CNTNAP5: variants seen among roughly 807,000 people sequenced by gnomAD.
The protein encoded by CNTNAP5 is contactin associated protein family member 5.
Under a neutral mutation model 150.2 loss-of-function variants are expected in CNTNAP5, and 72 were observed. The ratio of observed to expected loss-of-function variants is 0.48; its 90% confidence interval spans 0.40 to 0.58. CNTNAP5 has a LOEUF of 0.58. Among genes scored for constraint, CNTNAP5 ranks in the 20% least tolerant of loss-of-function variants. The probability of loss-of-function intolerance (pLI) is 0.00; values close to 1 mark genes in which losing one functional copy is unlikely to be tolerated. For synonymous variants in CNTNAP5, 672 were observed against 619.8 expected (o/e 1.08, Z -1.25); for missense variants, 1,636 against 1,626.2 (o/e 1.01, Z -0.10).
At chr2:124,894,712 C>T (rs1402324598) in intron 21 of CNTNAP5, among the ~76,000 whole-genome samples, 2 of 151,098 alleles carry the variant, frequency 1.3e-5, no homozygotes, top group East Asian at 1.9e-4. Flanking sequence ...CACCACCACA[C>T]CTGCCTAATT....
At chr2:124,802,357 C>A (rs769640830) in intron 19 of CNTNAP5, among the ~76,000 whole-genome samples, 1 of 152,184 alleles carries the variant, frequency 6.6e-6, no homozygotes, top group Non-Finnish European at 1.5e-5. Context: ...TATCATTATT[C>A]TTGAAATTTC....
chr2:124,123,296 C>T (rs1436300386), intron 1 of CNTNAP5, among the ~76,000 whole-genome samples: 1 of 152,168 alleles, frequency 6.6e-6, no homozygotes, highest in Non-Finnish European at 1.5e-5. Context: ...CGGAGCCTCA[C>T]TCATTGCTAG....
intron 12 of CNTNAP5, among the ~76,000 whole-genome samples, chr2:124,611,566 C>G (rs1317832032): frequency 6.6e-6 from 1 of 152,206 alleles, no homozygotes; most frequent in Non-Finnish European, 1.5e-5. Flanking sequence ...AACTAGGCTT[C>G]TCAGTGGATC....
chr2:124,858,986 A>T, intron 19 of CNTNAP5, among the ~76,000 whole-genome samples: 1 of 152,176 alleles, frequency 6.6e-6, no homozygotes, highest in Non-Finnish European at 1.5e-5. Context: ...ACCATTCAGG[A>T]CATAGGCATG....
intron 3 of CNTNAP5, among the ~76,000 whole-genome samples, chr2:124,396,828 C>T (rs1488780137): frequency 1.3e-5 from 2 of 152,134 alleles, no homozygotes; most frequent in Non-Finnish European, 2.9e-5. Context: ...ATAGCAATAA[C>T]GATAACGATA....
intron 14 of CNTNAP5, among the ~76,000 whole-genome samples, chr2:124,753,807 T>A (rs966304817): frequency 6.6e-6 from 1 of 152,228 alleles, no homozygotes; most frequent in African/African-American, 2.4e-5. Context: ...TGTCAACACA[T>A]CACGTTATAC....
At chr2:124,099,075 T>A (rs1045365042) in intron 1 of CNTNAP5, among the ~76,000 whole-genome samples, 1 of 152,212 alleles carries the variant, frequency 6.6e-6, no homozygotes, top group Admixed American at 6.5e-5. Context: ...AAGATCTGCC[T>A]ATTTCTTCAG....
intron 2 of CNTNAP5, among the ~76,000 whole-genome samples, chr2:124,230,424 C>T (rs1362903838): frequency 6.6e-6 from 1 of 152,038 alleles, no homozygotes; most frequent in East Asian, 1.9e-4. Flanking sequence ...TGAGTCTTCT[C>T]TCTGGATTTA....
At chr2:124,541,179 A>ATCTTTTTTTTTTTTTTTTTTTTTTT (rs1695373228) in intron 10 of CNTNAP5, among the ~76,000 whole-genome samples, 1 of 83,082 alleles carries the variant, frequency 1.2e-5, no homozygotes, top group Non-Finnish European at 2.3e-5. Context: ...CAAAATTCCG[A>ATCTTTTTTTTTTTTTTTTTTTTTTT]TTTTTTTTTT....
At chr2:124,510,311 ATCTATATATC>A (rs1466168062) in intron 8 of CNTNAP5, among the ~76,000 whole-genome samples, 4 of 119,874 alleles carry the variant, frequency 3.3e-5, no homozygotes, top group African/African-American at 6.5e-5. Flanking sequence ...CTATATATAT[ATCTATATATC>A]TATCTATATA....
chr2:124,671,303 T>A (rs746525670), intron 13 of CNTNAP5, among the ~76,000 whole-genome samples: 12 of 152,320 alleles, frequency 7.9e-5, no homozygotes, highest in Non-Finnish European at 1.5e-4. Context: ...GAGAATGTAA[T>A]CTAATTTTTG....
chr2:124,700,436 C>A (rs1014428007), intron 13 of CNTNAP5, among the ~76,000 whole-genome samples: 5 of 151,956 alleles, frequency 3.3e-5, no homozygotes, highest in Non-Finnish European at 7.4e-5. Context: ...AATCACCAAA[C>A]TTTTTTCCAT....
chr2:124,844,120 CT>C (rs1285841542), intron 19 of CNTNAP5, among the ~76,000 whole-genome samples: 2 of 151,912 alleles, frequency 1.3e-5, no homozygotes, highest in African/African-American at 4.8e-5. Flanking sequence ...TCAATGTTAT[CT>C]TCTAGAATCT....
rs191455833 is a variant in CNTNAP5, at chr2:124,742,576, T to C, written c.2078-4653T>C. On this transcript the variant is annotated intron_variant, in intron 13 of 23. Transcript: ENST00000682447. ...TGTACACTCTAAAACAAATACTTTC[T>C]TAGGAGGATTTATAGATATAGATAT... Among the ~76,000 whole-genome samples the C allele has an allele frequency of 1.1e-3, 171 of 152,108 alleles. 2 individuals carry two copies. The highest frequency in any genetic ancestry group is 4.0e-3 in the African/African-American group (164 of 41,464).
chr2:124,344,267 T>C (rs1278419658), intron 3 of CNTNAP5, among the ~76,000 whole-genome samples: 1 of 152,140 alleles, frequency 6.6e-6, no homozygotes, highest in African/African-American at 2.4e-5. Flanking sequence ...TCCAAAAGTT[T>C]TAACTTGGTC....
At chr2:124,435,138 A>C (rs1573993345) in intron 5 of CNTNAP5, among the ~76,000 whole-genome samples, 2 of 152,246 alleles carry the variant, frequency 1.3e-5, no homozygotes, top group East Asian at 1.9e-4. Flanking sequence ...GAAAAATCTA[A>C]GTTTCTAGGC....
At chr2:124,094,651 T>C (rs1001455083) in intron 1 of CNTNAP5, among the ~76,000 whole-genome samples, 1 of 152,238 alleles carries the variant, frequency 6.6e-6, no homozygotes, top group African/African-American at 2.4e-5. Context: ...CACTGCTGTA[T>C]AGAGGCAAAA....
intron 4 of CNTNAP5, 96 bp from the exon 5 acceptor site, chr2:124,434,388 T>C: frequency 1.0e-6 from 1 of 980,352 alleles, no homozygotes. Context: ...CTCAAGAACA[T>C]TTCTGTGAAC....
At chr2:124,035,073 T>G (rs1681177613) in intron 1 of CNTNAP5, among the ~76,000 whole-genome samples, 1 of 141,060 alleles carries the variant, frequency 7.1e-6, no homozygotes, top group Non-Finnish European at 1.5e-5. Flanking sequence ...GCCCATCCAT[T>G]TATCTGTACA....
Sources: gnomAD v4.1 joint callset for allele counts (sites outside exome capture counted in the v4.1 genomes callset) on GRCh38, gnomAD v4.1.1 for gene constraint, MANE v1.5 for transcripts, NCBI Gene and HGNC (gene_info 2026-07-23, HGNC 2026-07-21) for gene names.